Variants in ATP9A observed in about 807,000 individuals in gnomAD.
The protein encoded by ATP9A is ATPase phospholipid transporting 9A.
In ATP9A, 52 loss-of-function variants were observed where a neutral mutation model predicts 144.1. The ratio of observed to expected loss-of-function variants is 0.36; its 90% CI spans 0.29 to 0.45. The LOEUF (loss-of-function observed/expected upper bound fraction) is 0.45. Among genes scored for constraint, ATP9A ranks in the 20% least tolerant of loss-of-function variants. The pLI, the probability that ATP9A is intolerant of heterozygous loss-of-function variation, is 1.00. For missense variants in ATP9A, 947 were observed against 1,392.7 expected (o/e 0.68, Z 5.09); for synonymous variants, 582 against 557.4 (o/e 1.04, Z -0.62).
chr20:51,735,261 AG>A (rs1329939495), intron 1 of ATP9A, among the ~76,000 whole-genome samples: 1 of 152,196 alleles, frequency 6.6e-6, no homozygotes, highest in Non-Finnish European at 1.5e-5. Context: ...CCGAAAAGCA[AG>A]GGGCTAAAAG....
intron 14 of ATP9A, among the ~76,000 whole-genome samples, chr20:51,650,524 A>G (rs1327400497): frequency 1.3e-5 from 2 of 150,026 alleles, no homozygotes; most frequent in African/African-American, 2.5e-5. Flanking sequence ...ACAGAGTGAG[A>G]CTCCGTCTCA....
At chr20:51,658,162 T>C (rs895264352) in intron 13 of ATP9A, among the ~76,000 whole-genome samples, 1 of 152,192 alleles carries the variant, frequency 6.6e-6, no homozygotes, top group Non-Finnish European at 1.5e-5. Flanking sequence ...GGCTGTTTCC[T>C]GTCAACGAGA....
In ATP9A at chr20:51,613,928, T is replaced by C. The variant is rs1221608525; in HGVS notation, c.2416-96A>G. ...AAAAGCAAGACATTGTAGGAAATCT[T>C]TGAAGAACTTCAAGAAAGAAATTCT... On this transcript the variant is annotated intron_variant, in intron 22 of 27. Transcript: ENST00000338821. 1.3e-5 allele frequency: 16 copies of C among 1,254,024 alleles called. No homozygotes were observed. In the Admixed American group the frequency reaches 2.2e-4, roughly 17 times the overall value. 77.7% of individuals were successfully genotyped at this position (1,254,024 alleles called of 1,614,324 possible).
At chr20:51,729,785 G>A (rs1157433803) in intron 2 of ATP9A, 49 bp downstream of exon 2, 3 of 1,501,278 alleles carry the variant, frequency 2.0e-6, no homozygotes, top group Admixed American at 4.7e-5. Context: ...ACCAATGCAT[G>A]TATTTGTGAT....
chr20:51,754,068 T>C (rs890032638), intron 1 of ATP9A, among the ~76,000 whole-genome samples: 1 of 151,062 alleles, frequency 6.6e-6, no homozygotes, highest in Admixed American at 6.7e-5. Context: ...TAACATAAAC[T>C]ATTCAAGAAG....
intron 3 of ATP9A, among the ~76,000 whole-genome samples, chr20:51,719,752 G>A (rs989302858): frequency 1.5e-5 from 2 of 135,808 alleles, no homozygotes; most frequent in South Asian, 2.3e-4. Context: ...AAAAGGGGGG[G>A]GAAGAAGAAA....
At chr20:51,732,350 C>T (rs1237671083) in intron 1 of ATP9A, 3 of 152,632 alleles carry the variant, frequency 2.0e-5, no homozygotes, top group South Asian at 4.1e-4. Flanking sequence ...TGGGATGTCG[C>T]CAGCTAAGGT....
intron 19 of ATP9A, among the ~76,000 whole-genome samples, chr20:51,619,417 G>C (rs939103154): frequency 7.9e-5 from 12 of 152,080 alleles, no homozygotes; most frequent in African/African-American, 1.2e-4. Flanking sequence ...TAGAAAATTA[G>C]CTGGGCATGG....
intron 14 of ATP9A, among the ~76,000 whole-genome samples, chr20:51,641,928 C>T (rs977519155): frequency 6.6e-6 from 1 of 151,820 alleles, no homozygotes; most frequent in Non-Finnish European, 1.5e-5. Flanking sequence ...CTGTCAACAC[C>T]CTCCTAAAAC....
At chr20:51,730,328 C>T (rs2077735262) in intron 1 of ATP9A, among the ~76,000 whole-genome samples, 1 of 152,058 alleles carries the variant, frequency 6.6e-6, no homozygotes, top group Admixed American at 6.6e-5. Context: ...ATTAGCCGGG[C>T]GTGTTGGCAC....
chr20:51,739,896 G>A (rs561686632), intron 1 of ATP9A, among the ~76,000 whole-genome samples: 2 of 152,104 alleles, frequency 1.3e-5, no homozygotes, highest in Non-Finnish European at 2.9e-5. Context: ...GGGACTAGTC[G>A]GCCTGAAAAT....
chr20:51,677,037 G>A (rs563135253), intron 9 of ATP9A, among the ~76,000 whole-genome samples: 10 of 146,850 alleles, frequency 6.8e-5, no homozygotes, highest in South Asian at 4.4e-4. Flanking sequence ...GGGCTCAAGC[G>A]ATCCTCCCAC....
chr20:51,739,349 C>CTTTTTT (rs749000986), intron 1 of ATP9A, among the ~76,000 whole-genome samples: 1 of 134,666 alleles, frequency 7.4e-6, no homozygotes, highest in Non-Finnish European at 1.6e-5. Flanking sequence ...TACACTCACT[C>CTTTTTT]TTTTTTTTTT....
chr20:51,714,147 C>T (rs1381453090), intron 3 of ATP9A, among the ~76,000 whole-genome samples: 4 of 151,846 alleles, frequency 2.6e-5, no homozygotes, highest in Admixed American at 6.6e-5. Context: ...CCTCGTGATC[C>T]GCCCACCTCA....
rs57906305 is a variant in ATP9A at position 51,656,992 on chromosome 20, G to C, written c.1452C>G (p.Ala484=). 5.0e-5 allele frequency: 80 copies of C among 1,614,128 alleles called. No homozygotes were observed. Among genetic ancestry groups the C allele is most frequent in the Middle Eastern group, 5.0e-4 (3 of 6,060 alleles). ...GGCAGGAGTCTTCGTACTGCTTCTC[G>C]GCCTCAGCCTGATCAGTCACACCGT... is the stretch of plus-strand genomic sequence containing the variant. The part of the protein sequence containing the change: ...ESNGVTDQAE[A]EKQYEDSCRV... Residue 484 remains alanine (A), a synonymous_variant, in exon 14 of 28, where the codon GCC becomes GCG. Transcript: ENST00000338821.
intron 9 of ATP9A, among the ~76,000 whole-genome samples, chr20:51,680,940 C>G (rs947671747): frequency 6.6e-6 from 1 of 152,142 alleles, no homozygotes; most frequent in African/African-American, 2.4e-5. Context: ...GCTCTCCCTC[C>G]CCTACCGCAC....
chr20:51,665,555 C>A (rs554112213), intron 13 of ATP9A, among the ~76,000 whole-genome samples: 10 of 151,904 alleles, frequency 6.6e-5, no homozygotes, highest in African/African-American at 2.4e-4. Flanking sequence ...CCCGTCTCTA[C>A]CAAAAATACA....
At chr20:51,710,540 A>G (rs2077633638) in intron 4 of ATP9A, among the ~76,000 whole-genome samples, 1 of 152,210 alleles carries the variant, frequency 6.6e-6, no homozygotes, top group African/African-American at 2.4e-5. Flanking sequence ...AAAGCGTATC[A>G]AATAACTAAA....
rs539686429 is a variant in ATP9A at position 51,710,639 on chromosome 20, ATTCAGAACTGTGTTCTGTT to A, written c.436+2308_436+2326del. On this transcript the variant is annotated intron_variant, in intron 4 of 27. Transcript: ENST00000338821. Reference sequence around the variant, plus strand: ...CTGCAGCGCTAGGGTCTGGGTTAATATTCAGAACTGTGTTCTGTTTTCCCTAGAGTGGGATTGGCATAAC... The same window carrying A: ...CTGCAGCGCTAGGGTCTGGGTTAATATTCCCTAGAGTGGGATTGGCATAAC... 1.6e-3 allele frequency among the ~76,000 whole-genome samples: 246 copies of A among 152,282 alleles called. 1 individual carries two copies. Among genetic ancestry groups the A allele is most frequent in the Non-Finnish European group, 2.7e-3 (184 of 68,028 alleles).
Sources: allele counts gnomAD v4.1 joint callset (sites outside exome capture counted in the v4.1 genomes callset), GRCh38; gene constraint gnomAD v4.1.1; transcripts MANE v1.5; gene names NCBI Gene and HGNC (gene_info 2026-07-23, HGNC 2026-07-21).